PCDH15: variants seen among roughly 807,000 people sequenced by gnomAD.
PCDH15 encodes the protein protocadherin related 15.
PCDH15 carries 129 observed loss-of-function variants against 178.5 expected under a neutral mutation model. The ratio of observed to expected loss-of-function variants is 0.72; its 90% CI spans 0.63 to 0.84. PCDH15 has a LOEUF of 0.84. PCDH15 is among the 40% of genes least tolerant of loss of function. The pLI is 0.00. For missense variants in PCDH15, 2,230 were observed against 2,099.9 expected (o/e 1.06, Z -1.21); for synonymous variants, 800 against 732.0 (o/e 1.09, Z -1.50).
chr10:54,612,738 G>A (rs949102561), intron 2 of PCDH15, among the ~76,000 whole-genome samples: 3 of 151,396 alleles, frequency 2.0e-5, no homozygotes, highest in Non-Finnish European at 4.4e-5. Context: ...CCTAACAATT[G>A]GGTAACAATT....
intron 9 of PCDH15, among the ~76,000 whole-genome samples, chr10:54,216,341 A>G (rs746455984): frequency 6.6e-6 from 1 of 152,100 alleles, no homozygotes; most frequent in Non-Finnish European, 1.5e-5. Context: ...CTGTAATCCC[A>G]GCTACTCGGG....
At chr10:54,579,919 A>T (rs1453589604) in intron 2 of PCDH15, among the ~76,000 whole-genome samples, 1 of 151,942 alleles carries the variant, frequency 6.6e-6, no homozygotes, top group East Asian at 1.9e-4. Context: ...TTATAAAATT[A>T]TTTAAAATGA....
intron 15 of PCDH15, among the ~76,000 whole-genome samples, chr10:54,096,105 G>A (rs953180861): frequency 6.6e-6 from 1 of 151,976 alleles, no homozygotes; most frequent in African/African-American, 2.4e-5. Flanking sequence ...ATTTGCCAAA[G>A]TTTACAAACT....
rs1309381529 is a variant in PCDH15, at chr10:54,442,415, T to C, written c.158-63473A>G. On this transcript the variant is annotated intron_variant, in intron 3 of 37. Coordinates refer to ENST00000644397, the MANE Select transcript of PCDH15 (RefSeq NM_001384140.1). ...TAAAAAAAAAAAAGGCCTTAAAGGC[T>C]ATATATATATATATATATATATATA... 2.5e-4 allele frequency among the ~76,000 whole-genome samples: 10 copies of C among 39,990 alleles called. No homozygotes were observed. The East Asian group carries it at 0.019, about 76-fold the overall frequency. The allele number at this position is 39,990 out of a possible 152,430, so 26.2% of individuals were successfully genotyped here. A position where few individuals can be genotyped will look rare whatever the true frequency, so the allele number is the denominator to read the frequency against.
intron 2 of PCDH15, among the ~76,000 whole-genome samples, chr10:55,370,908 C>G (rs1845492857): frequency 6.6e-6 from 1 of 152,072 alleles, no homozygotes; most frequent in Admixed American, 6.6e-5. Flanking sequence ...TTCTTGAAAG[C>G]AAAATCAGGT....
At chr10:54,797,955 C>A (rs1404031984) in intron 1 of PCDH15, among the ~76,000 whole-genome samples, 1 of 151,988 alleles carries the variant, frequency 6.6e-6, no homozygotes, top group East Asian at 1.9e-4. Context: ...TAGTCGCTCT[C>A]ACATTCAAAA....
At position 54,238,677 on chromosome 10, in the gene PCDH15, T is replaced by TCTCACACA. The variant is rs1186937599; in HGVS notation, c.877-1747_877-1746insTGTGTGAG. Among the ~76,000 whole-genome samples the TCTCACACA allele has an allele frequency of 1.5e-4, 21 of 144,362 alleles. 1 individual carries two copies. In the East Asian group the frequency reaches 1.8e-3, roughly 12 times the overall value. 94.7% of individuals were successfully genotyped at this position (144,362 alleles called of 152,430 possible). On this transcript the variant is annotated intron_variant, in intron 8 of 37. Coordinates refer to ENST00000644397, the MANE Select transcript of PCDH15 (RefSeq NM_001384140.1). ...CATGCTGCCTCTCTCTCTCTCTCTC[T>TCTCACACA]CACACACACACACACACACACACAC... is the stretch of plus-strand genomic sequence containing the variant.
At chr10:54,355,666 T>C (rs1944863018) in intron 5 of PCDH15, among the ~76,000 whole-genome samples, 1 of 152,032 alleles carries the variant, frequency 6.6e-6, no homozygotes, top group South Asian at 2.1e-4. Context: ...GAAAAATATT[T>C]TGGGTTATTT....
chr10:54,031,923 G>C (rs2093305906), intron 18 of PCDH15, among the ~76,000 whole-genome samples: 1 of 152,006 alleles, frequency 6.6e-6, no homozygotes, highest in South Asian at 2.1e-4. Flanking sequence ...TGAAAACGAA[G>C]AGGAAAACCT....
At chr10:55,259,850 C>T (rs891723201) in intron 1 of PCDH15, among the ~76,000 whole-genome samples, 6 of 118,404 alleles carry the variant, frequency 5.1e-5, no homozygotes, top group African/African-American at 9.8e-5. Flanking sequence ...TGAGGTGAGC[C>T]GAGATTGCAC....
At chr10:53,821,702 G>C (rs1040179554) in intron 32 of PCDH15, 1 of 1,448,024 alleles carries the variant, frequency 6.9e-7, no homozygotes, top group African/African-American at 1.4e-5. Context: ...GTAGTGATGA[G>C]GTTAATATCT....
Position 53,823,620 on chromosome 10 carries a change from TTTTTTG to T in PCDH15, c.4368-3396_4368-3391del, listed in dbSNP as rs534562576. ...CTCTAGATTATTTTGGAAGAGAGTA[TTTTTTG>T]TTTTTGTTTTTTTTCAGCTAGTGTG... On this transcript the variant is annotated intron_variant, in intron 32 of 37. Transcript: ENST00000644397. Among the ~76,000 whole-genome samples the T allele has an allele frequency of 7.7e-3, 1,164 of 152,098 alleles. 16 individuals carry two copies. The highest frequency in any genetic ancestry group is 0.026 in the African/African-American group (1,074 of 41,490).
chr10:54,678,389 AT>A (rs2135596624), intron 1 of PCDH15, among the ~76,000 whole-genome samples: 1 of 152,210 alleles, frequency 6.6e-6, no homozygotes, highest in East Asian at 1.9e-4. Context: ...TTTTTGTACT[AT>A]TTTGAGTTTG....
intron 8 of PCDH15, among the ~76,000 whole-genome samples, chr10:54,314,358 A>G (rs1266067776): frequency 6.6e-6 from 1 of 152,140 alleles, no homozygotes; most frequent in African/African-American, 2.4e-5. Context: ...TGTGCAAAAA[A>G]TGATTAGTCA....
intron 8 of PCDH15, among the ~76,000 whole-genome samples, chr10:54,300,361 C>T (rs2060075978): frequency 1.3e-5 from 2 of 152,152 alleles, no homozygotes; most frequent in South Asian, 4.1e-4. Flanking sequence ...ACCTCCTTGT[C>T]AAATTTGTTT....
intron 3 of PCDH15, among the ~76,000 whole-genome samples, chr10:54,399,962 T>A (rs1045676041): frequency 7.2e-5 from 11 of 152,114 alleles, no homozygotes; most frequent in Non-Finnish European, 1.2e-4. Context: ...CTAATGCTTT[T>A]TCCAGGGTCA....
chr10:54,874,325 G>GTAT (rs1411747279), intron 3 of PCDH15, among the ~76,000 whole-genome samples: 1 of 146,760 alleles, frequency 6.8e-6, no homozygotes, highest in Non-Finnish European at 1.5e-5. Flanking sequence ...TGGCTGCATA[G>GTAT]TATTCCATGG....
chr10:53,912,789 A>C (rs2083208505), intron 25 of PCDH15, among the ~76,000 whole-genome samples: 2 of 152,186 alleles, frequency 1.3e-5, no homozygotes, highest in Non-Finnish European at 2.9e-5. Context: ...GCAAAATAAA[A>C]GAGGACACCA....
intron 2 of PCDH15, among the ~76,000 whole-genome samples, chr10:55,450,652 G>T (rs1285717870): frequency 6.6e-6 from 1 of 151,968 alleles, no homozygotes; most frequent in African/African-American, 2.4e-5. Flanking sequence ...TCTTGATATG[G>T]TCACTTAAAA....
Sources: gnomAD v4.1 joint callset for allele counts (sites outside exome capture counted in the v4.1 genomes callset) on GRCh38, gnomAD v4.1.1 for gene constraint, MANE v1.5 for transcripts, NCBI Gene and HGNC (gene_info 2026-07-23, HGNC 2026-07-21) for gene names.